The following BMX variants were observed in gnomAD, a reference collection of about 807,000 sequenced individuals.
BMX encodes the protein cytoplasmic tyrosine-protein kinase BMX.
BMX carries 31 observed loss-of-function variants against 59.2 expected under a neutral mutation model. The observed-to-expected ratio is 0.52, with a 90% confidence interval of 0.39 to 0.71. The LOEUF is 0.71. Ranked by LOEUF, BMX falls within the 30% of genes least tolerant of loss-of-function variation. The pLI is 0.00. For synonymous variants in BMX, 185 were observed against 181.0 expected, an observed-to-expected ratio of 1.02 and a Z score of -0.18; for missense variants, 474 against 491.7, an observed-to-expected ratio of 0.96 and a Z score of 0.34.
chrX:15,527,240 AC>A (rs1924800511), intron 9 of BMX, among the ~76,000 whole-genome samples: 1 of 29,486 alleles, frequency 3.4e-5, no homozygotes, highest in African/African-American at 1.3e-4. Flanking sequence ...ACACACACAC[AC>A]ACACAAATAT....
intron 17 of BMX, among the ~76,000 whole-genome samples, chrX:15,547,633 A>G (rs768570564): frequency 1.9e-4 from 21 of 112,311 alleles, no homozygotes; most frequent in Middle Eastern, 4.6e-3. Context: ...GTGCTACAAC[A>G]GCAGAGTAGA....
intron 4 of BMX, among the ~76,000 whole-genome samples, chrX:15,515,129 C>T (rs1924098892): frequency 9.3e-6 from 1 of 106,991 alleles, no homozygotes; most frequent in Admixed American, 1.0e-4. Flanking sequence ...GGGAGGGGAA[C>T]ATCACACACC....
At chrX:15,542,971 G>C (rs1469731428) in intron 15 of BMX, 100 bp from the exon 16 acceptor site, 1 of 801,632 alleles carries the variant, frequency 1.2e-6, no homozygotes, top group African/African-American at 2.0e-5. Context: ...GTTGTGCTAG[G>C]TAATCTTAGA....
intron 18 of BMX, among the ~76,000 whole-genome samples, chrX:15,555,796 T>G (rs1926406852): frequency 8.9e-6 from 1 of 112,086 alleles, no homozygotes; most frequent in Admixed American, 9.5e-5. Context: ...TACACTAAAA[T>G]GCTTGCAAAT....
Position 15,509,373 on chromosome X carries a change from A to G in BMX, c.183A>G (p.Arg61=). ...RKGSIEIKKI[R]CVEKVNLEEQ... is the part of the protein sequence containing the mutation. ...GATCCATTGAAATTAAGAAAATCAG[A>G]TGTGTGGAGAAAGTAAATCTCGAGG... is the stretch of plus-strand genomic sequence containing the variant. The change falls in exon 3 of 19, where the codon AGA becomes AGG. Residue 61 remains arginine (R), a synonymous_variant. Coordinates refer to ENST00000348343, the MANE Select transcript of BMX (RefSeq NM_203281.3). The G allele has an allele frequency of 8.3e-7, 1 of 1,205,698 alleles. No individual in the cohort carries two copies. Among genetic ancestry groups the G allele is most frequent in the Non-Finnish European group, 1.1e-6 (1 of 893,317 alleles).
At chrX:15,513,896 A>G (rs984206966) in intron 4 of BMX, among the ~76,000 whole-genome samples, 1 of 112,009 alleles carries the variant, frequency 8.9e-6, no homozygotes, top group Non-Finnish European at 1.9e-5. Context: ...TAACTCTGTG[A>G]GAGGTGTAAT....
intron 6 of BMX, among the ~76,000 whole-genome samples, chrX:15,521,801 T>A (rs1429565543): frequency 1.8e-5 from 2 of 111,599 alleles, no homozygotes; most frequent in African/African-American, 6.5e-5. Context: ...CATCTCGAAA[T>A]CCTTAATTAC....
At chrX:15,521,722 T>C (rs1249953712) in intron 6 of BMX, among the ~76,000 whole-genome samples, 2 of 111,434 alleles carry the variant, frequency 1.8e-5, no homozygotes, top group East Asian at 5.7e-4. Context: ...CTGACCACCT[T>C]ATCTCCCTTT....
At chrX:15,539,045 T>C (rs1925520141) in intron 14 of BMX, among the ~76,000 whole-genome samples, 1 of 111,246 alleles carries the variant, frequency 9.0e-6, no homozygotes, top group Non-Finnish European at 1.9e-5. Flanking sequence ...TCATTTTGCA[T>C]TGGTGCCTGC....
At chrX:15,534,012 GAGA>G (rs1283120023) in intron 11 of BMX, among the ~76,000 whole-genome samples, 197 bp from the exon 12 acceptor site, 1 of 111,451 alleles carries the variant, frequency 9.0e-6, no homozygotes, top group African/African-American at 3.3e-5. Flanking sequence ...ATTGAGTTCA[GAGA>G]AGAACTCTCT....
chrX:15,514,384 T>G (rs1270783543), intron 4 of BMX, among the ~76,000 whole-genome samples: 3 of 111,839 alleles, frequency 2.7e-5, no homozygotes, highest in Non-Finnish European at 5.6e-5. Context: ...GAACACCTAC[T>G]TACTCTGGGC....
intron 6 of BMX, 95 bp from the exon 7 acceptor site, chrX:15,522,251 C>A: frequency 1.0e-6 from 1 of 995,732 alleles, no homozygotes; most frequent in Non-Finnish European, 1.4e-6. Flanking sequence ...TCCTTCCTTT[C>A]TCTCTCTTTC....
intron 6 of BMX, among the ~76,000 whole-genome samples, chrX:15,520,643 CTAAGGGTTCA>C (rs983603614): frequency 2.4e-4 from 27 of 111,729 alleles, no homozygotes; most frequent in African/African-American, 8.8e-4. Context: ...AAATCAGTGG[CTAAGGGTTCA>C]TAAGCCTGTT....
Position 15,534,857 on chromosome X carries a change from C to T in BMX, c.1147+518C>T, listed in dbSNP as rs749801937. Among the ~76,000 whole-genome samples, 12 of 111,470 alleles carry T rather than the reference C, an allele frequency of 1.1e-4. No individual in the cohort carries two copies. In the East Asian group the frequency reaches 1.7e-3, roughly 16 times the overall value. ...TCAACATGTCTTAGAAGTCTTTCCA[C>T]GCAAACACAAAGAGCTTACTTTGGT... On this transcript the variant is annotated intron_variant, in intron 12 of 18. Coordinates refer to ENST00000348343, the MANE Select transcript of BMX (RefSeq NM_203281.3).
At chrX:15,536,292 T>G in intron 12 of BMX, 61 bp from the exon 13 acceptor site, 1 of 1,117,856 alleles carries the variant, frequency 8.9e-7, no homozygotes, top group Admixed American at 2.3e-5. Context: ...TGAACCAATG[T>G]TACATAATGT....
rs761203380 is a variant in BMX, at chrX:15,508,723, G to A, written c.138+232G>A. Among the ~76,000 whole-genome samples the A allele has an allele frequency of 2.7e-5, 3 of 112,116 alleles. No individual in the cohort carries two copies. The South Asian group carries it at 1.1e-3, about 41-fold the overall frequency. On this transcript the variant is annotated intron_variant, in intron 2 of 18. Coordinates refer to ENST00000348343, the MANE Select transcript of BMX (RefSeq NM_203281.3). ...AGGCAAATTATAACTTTAGAACAGT[G>A]GTTCTCAACTGAGGGCATTTTTGCT...
At chrX:15,507,332 A>G (rs1404076661) in intron 1 of BMX, 5 of 753,961 alleles carry the variant, frequency 6.6e-6, no homozygotes, top group Admixed American at 8.6e-5. Context: ...TGGTGCCTCA[A>G]AGCAGTAACT....
At chrX:15,521,640 G>C (rs1276450563) in intron 6 of BMX, among the ~76,000 whole-genome samples, 2 of 111,122 alleles carry the variant, frequency 1.8e-5, no homozygotes, top group African/African-American at 6.6e-5. Flanking sequence ...TCCTTCCCCT[G>C]TCTGCAGAAC....
Position 15,522,385 on chromosome X carries a change from G to A in BMX, c.550G>A (p.Ala184Thr). 1 of 1,211,614 alleles carries A rather than the reference G, an allele frequency of 8.3e-7. No individual in the cohort carries two copies. Among genetic ancestry groups the A allele is most frequent in the Non-Finnish European group, 1.1e-6 (1 of 895,342 alleles). ...PRAVPVLKMD[A>T]PSSSTTLAQY... is the part of the protein sequence containing the mutation. ...GGCAGTTCCTGTTCTCAAAATGGAT[G>A]CACCATCTTCAAGTACCACTCTAGC... The change falls in exon 7 of 19, where the codon GCA (alanine) becomes ACA (threonine). Residue 184 changes from alanine to threonine, a missense_variant. By Grantham distance (58) the Ala-to-Thr change is moderately conservative. Coordinates refer to ENST00000348343, the MANE Select transcript of BMX (RefSeq NM_203281.3).
Sources: gnomAD v4.1 joint callset for allele counts (sites outside exome capture counted in the v4.1 genomes callset) on GRCh38, gnomAD v4.1.1 for gene constraint, MANE v1.5 for transcripts, NCBI Gene and HGNC (gene_info 2026-07-23, HGNC 2026-07-21) for gene names.